Variants in GCLC observed in about 807,000 individuals in gnomAD.
GCLC encodes glutamate-cysteine ligase catalytic subunit.
In GCLC, 30 loss-of-function variants were observed where a neutral mutation model predicts 81.5. The observed-to-expected ratio is 0.37, with a 90% CI of 0.28 to 0.50. GCLC has a LOEUF of 0.50. GCLC is among the 20% of genes least tolerant of loss of function. The pLI is 0.96. For missense variants in GCLC, 556 were observed against 777.4 expected (o/e 0.72, Z 3.39); for synonymous variants, 262 against 273.3 (o/e 0.96, Z 0.41).
At chr6:53,536,294 C>G (rs891238080) in intron 1 of GCLC, among the ~76,000 whole-genome samples, 3 of 152,132 alleles carry the variant, frequency 2.0e-5, no homozygotes, top group African/African-American at 7.2e-5. Context: ...AAATCAGCTG[C>G]ATGGGATGGC....
intron 1 of GCLC, among the ~76,000 whole-genome samples, chr6:53,525,356 T>C (rs897068109): frequency 6.6e-6 from 1 of 152,186 alleles, no homozygotes. Flanking sequence ...AGAGCTGAAA[T>C]GGGGTTTGAC....
intron 12 of GCLC, among the ~76,000 whole-genome samples, chr6:53,504,944 T>C (rs1764584881): frequency 6.6e-6 from 1 of 152,206 alleles, no homozygotes; most frequent in African/African-American, 2.4e-5. Flanking sequence ...CACCTGGAGT[T>C]GTTTTGCTGG....
intron 1 of GCLC, among the ~76,000 whole-genome samples, chr6:53,527,389 C>T (rs938214699): frequency 3.1e-4 from 47 of 152,330 alleles, no homozygotes; most frequent in African/African-American, 1.0e-3. Flanking sequence ...CTTACACTAA[C>T]TCCTAAACAA....
At position 53,544,465 on chromosome 6, in the gene GCLC, C is replaced by T. The variant is rs1365973004; in HGVS notation, c.150+31G>A. ...CAGCGCGGGCGGCCAGACACGGGTG[C>T]CCGGCGGGGACGGGGACCGCGGGCG... On this transcript the variant is annotated intron_variant, in intron 1 of 15. Coordinates refer to ENST00000650454, the MANE Select transcript of GCLC (RefSeq NM_001498.4). The T allele has an allele frequency of 3.7e-6, 6 of 1,601,132 alleles. No homozygotes were observed. The South Asian group carries it at 6.6e-5, about 18-fold the overall frequency.
At chr6:53,543,552 A>G (rs189925289) in intron 1 of GCLC, among the ~76,000 whole-genome samples, 135 of 152,332 alleles carry the variant, frequency 8.9e-4, no homozygotes, top group African/African-American at 3.1e-3. Context: ...AAGATAAACA[A>G]TTTACACAGG....
chr6:53,503,526 T>C (rs751213021), intron 12 of GCLC, among the ~76,000 whole-genome samples: 51 of 152,236 alleles, frequency 3.4e-4, no homozygotes, highest in Non-Finnish European at 5.7e-4. Context: ...GTTAATTCTT[T>C]ACCTCTCGAG....
rs184183725 is a variant in GCLC, at chr6:53,509,542, T to C, written c.754-292A>G. ...AAAATAAGACACAGACATACGATGATGTTTAGCAAAGCATTTTCTCTTCTA... is the reference window on the plus strand; with the variant it reads ...AAAATAAGACACAGACATACGATGACGTTTAGCAAAGCATTTTCTCTTCTA... On this transcript the variant is annotated intron_variant, in intron 6 of 15. Transcript: ENST00000650454. 13 of 496,594 alleles carry C rather than the reference T, an allele frequency of 2.6e-5. No homozygotes were observed. In the Admixed American group the frequency reaches 4.5e-4, roughly 17 times the overall value. 30.8% of individuals were successfully genotyped at this position (496,594 alleles called of 1,614,324 possible).
chr6:53,515,546 G>A (rs749325329), intron 4 of GCLC, among the ~76,000 whole-genome samples: 1 of 152,242 alleles, frequency 6.6e-6, no homozygotes, highest in Non-Finnish European at 1.5e-5. Flanking sequence ...CAGGAGCCTA[G>A]GCTCAGGATG....
intron 1 of GCLC, among the ~76,000 whole-genome samples, chr6:53,526,076 C>A (rs1763075805): frequency 6.6e-6 from 1 of 151,896 alleles, no homozygotes; most frequent in African/African-American, 2.4e-5. Flanking sequence ...ATATAAAAGA[C>A]CAGAATAAAA....
At chr6:53,528,192 G>A (rs377683452) in intron 1 of GCLC, among the ~76,000 whole-genome samples, 6 of 152,140 alleles carry the variant, frequency 3.9e-5, no homozygotes, top group Admixed American at 2.6e-4. Flanking sequence ...GACTAAAAGA[G>A]GAGCTGTGTT....
At position 53,514,537 on chromosome 6, in the gene GCLC, G is replaced by A. The variant is rs574830816; in HGVS notation, c.561-40C>T. On this transcript the variant is annotated intron_variant, in intron 4 of 15. Transcript: ENST00000650454. ...CAAACGTCATAAATTGGTCACCTAA[G>A]AGTCATCGTGTAAAAGAAGAATTTG... 6 of 1,395,562 alleles carry A rather than the reference G, an allele frequency of 4.3e-6. No homozygotes were observed. The South Asian group carries it at 6.9e-5, about 16-fold the overall frequency. 86.4% of individuals were successfully genotyped at this position (1,395,562 alleles called of 1,614,324 possible).
chr6:53,509,121 T>C (rs1764683142), intron 7 of GCLC, 55 bp downstream of exon 7: 2 of 1,073,384 alleles, frequency 1.9e-6, no homozygotes, highest in African/African-American at 3.1e-5. Flanking sequence ...ATTCTGCACA[T>C]GCTATCTTAT....
At chr6:53,534,655 A>G (rs1051540066) in intron 1 of GCLC, among the ~76,000 whole-genome samples, 1 of 152,148 alleles carries the variant, frequency 6.6e-6, no homozygotes, top group Non-Finnish European at 1.5e-5. Flanking sequence ...AAGGTGAAGA[A>G]GAGCCCAGTG....
chr6:53,514,589 T>A (rs1298630981), intron 4 of GCLC, 92 bp from the exon 5 acceptor site: 3 of 907,508 alleles, frequency 3.3e-6, no homozygotes, highest in Non-Finnish European at 5.6e-6. Context: ...TGGAATGAAA[T>A]CATACCTCAA....
chr6:53,500,064 T>G lies in GCLC; in HGVS notation c.1683A>C (p.Leu561=). ...TCATACCAGATGCTCTCTTCTTAAT[T>G]AGCTTTAGGTAGTTCAGAATACTAC... is the stretch of plus-strand genomic sequence containing the variant. ...TRCSILNYLK[L]IKKRASGELM... The change falls in exon 15 of 16, where the codon CTA becomes CTC. Residue 561 remains leucine, a synonymous_variant. Coordinates refer to ENST00000650454, the MANE Select transcript of GCLC (RefSeq NM_001498.4). 10 of 1,601,980 alleles carry G rather than the reference T, an allele frequency of 6.2e-6. No homozygotes were observed. The highest frequency in any genetic ancestry group is 8.6e-6 in the Non-Finnish European group (10 of 1,168,906).
chr6:53,512,728 A>G (rs1013653782), intron 6 of GCLC, among the ~76,000 whole-genome samples: 5 of 152,218 alleles, frequency 3.3e-5, no homozygotes, highest in Admixed American at 2.6e-4. Context: ...AATATTTATC[A>G]TCTACCATTA....
At chr6:53,534,514 T>C (rs890297950) in intron 1 of GCLC, among the ~76,000 whole-genome samples, 2 of 144,338 alleles carry the variant, frequency 1.4e-5, no homozygotes, top group Admixed American at 1.4e-4. Flanking sequence ...GAAGAGAAAA[T>C]ATATGAAAGA....
intron 1 of GCLC, chr6:53,523,961 G>C (rs1048339816): frequency 6.6e-6 from 1 of 152,156 alleles, no homozygotes; most frequent in Non-Finnish European, 1.5e-5. Flanking sequence ...AGTGTCAGCT[G>C]ACTAAAAACT....
chr6:53,517,260 T>G (rs988821868), intron 3 of GCLC, among the ~76,000 whole-genome samples: 7 of 93,412 alleles, frequency 7.5e-5, no homozygotes, highest in African/African-American at 2.5e-4. Context: ...TTTTTTTTTT[T>G]TTTTTTTTTT....
Sources: gnomAD v4.1 joint callset for allele counts (sites outside exome capture counted in the v4.1 genomes callset) on GRCh38, gnomAD v4.1.1 for gene constraint, MANE v1.5 for transcripts, NCBI Gene and HGNC (gene_info 2026-07-23, HGNC 2026-07-21) for gene names.